The following UGT8 variants were observed in gnomAD, a reference collection of about 807,000 sequenced individuals.
UGT8 encodes 2-hydroxyacylsphingosine 1-beta-galactosyltransferase.
UGT8 carries 12 observed loss-of-function variants against 40.5 expected under a neutral mutation model. The observed-to-expected ratio is 0.30, with a 90% CI of 0.19 to 0.48. The LOEUF (loss-of-function observed/expected upper bound fraction) is 0.48. UGT8 is among the 20% of genes least tolerant of loss of function. The probability of loss-of-function intolerance (pLI) is 0.99; values close to 1 mark genes in which losing one functional copy is unlikely to be tolerated. For missense variants in UGT8, 513 were observed against 648.7 expected (o/e 0.79, Z 2.27); for synonymous variants, 224 against 240.4 (o/e 0.93, Z 0.63).
At chr4:114,658,160 G>A (rs1459906502) in intron 2 of UGT8, among the ~76,000 whole-genome samples, 1 of 152,008 alleles carries the variant, frequency 6.6e-6, no homozygotes. Context: ...ACTAAATTTT[G>A]CAGAATGAAA....
chr4:114,630,780 G>T (rs1043778800), intron 2 of UGT8, among the ~76,000 whole-genome samples: 2 of 152,132 alleles, frequency 1.3e-5, no homozygotes, highest in African/African-American at 4.8e-5. Flanking sequence ...CTCTAGGGTA[G>T]AAAGAAGAAT....
chr4:114,609,233 A>G (rs953036141), intron 1 of UGT8, among the ~76,000 whole-genome samples: 5 of 152,190 alleles, frequency 3.3e-5, no homozygotes, highest in African/African-American at 7.2e-5. Context: ...CCTGGGCAAC[A>G]TAGTGAGACC....
intron 2 of UGT8, among the ~76,000 whole-genome samples, chr4:114,640,659 G>C (rs1299357916): frequency 6.6e-6 from 1 of 152,040 alleles, no homozygotes; most frequent in African/African-American, 2.4e-5. Flanking sequence ...CATTTGGCTG[G>C]GGAAATGTGG....
At chr4:114,628,477 A>G (rs1023906039) in intron 2 of UGT8, among the ~76,000 whole-genome samples, 2 of 151,978 alleles carry the variant, frequency 1.3e-5, no homozygotes, top group Admixed American at 1.3e-4. Flanking sequence ...TAACTATTCT[A>G]ATGTTACTGA....
intron 1 of UGT8, among the ~76,000 whole-genome samples, chr4:114,602,110 T>G (rs1730479278): frequency 6.6e-6 from 1 of 152,104 alleles, no homozygotes; most frequent in Non-Finnish European, 1.5e-5. Flanking sequence ...AATTTGTGTA[T>G]GAGATCTTTA....
intron 2 of UGT8, among the ~76,000 whole-genome samples, chr4:114,632,716 G>A (rs1732648020): frequency 6.6e-6 from 1 of 152,188 alleles, no homozygotes; most frequent in Non-Finnish European, 1.5e-5. Flanking sequence ...AATGGAGGAA[G>A]CAATACTGAG....
chr4:114,674,240 G>A (rs1560713882), intron 5 of UGT8, among the ~76,000 whole-genome samples: 2 of 151,692 alleles, frequency 1.3e-5, no homozygotes, highest in African/African-American at 4.8e-5. Flanking sequence ...ATCCCAAACT[G>A]TAATCATTTC....
At chr4:114,604,741 G>A (rs980715426) in intron 1 of UGT8, among the ~76,000 whole-genome samples, 2 of 151,980 alleles carry the variant, frequency 1.3e-5, no homozygotes, top group Admixed American at 6.6e-5. Flanking sequence ...ATAAATATTT[G>A]TTGTCCCAAT....
chr4:114,639,450 T>G (rs1422055042), intron 2 of UGT8, among the ~76,000 whole-genome samples: 1 of 152,210 alleles, frequency 6.6e-6, no homozygotes, highest in Non-Finnish European at 1.5e-5. Context: ...ATCCAGAAAG[T>G]GGTGCCATGA....
chr4:114,609,621 G>C (rs1389450155), intron 1 of UGT8, among the ~76,000 whole-genome samples: 2 of 152,050 alleles, frequency 1.3e-5, no homozygotes, highest in Non-Finnish European at 1.5e-5. Context: ...AAATTTGTGT[G>C]GGGGAGGGAT....
chr4:114,667,763 C>A, intron 4 of UGT8: 1 of 448,500 alleles, frequency 2.2e-6, no homozygotes, highest in Non-Finnish European at 3.0e-6. Flanking sequence ...TATTGTTTGG[C>A]ATTTCTTGCT....
intron 2 of UGT8, among the ~76,000 whole-genome samples, chr4:114,660,804 A>T (rs1318429846): frequency 2.0e-5 from 3 of 151,400 alleles, no homozygotes; most frequent in Admixed American, 2.0e-4. Context: ...GCCAGGAGAA[A>T]GGCGTGAACC....
At chr4:114,633,995 G>C (rs1732737251) in intron 2 of UGT8, among the ~76,000 whole-genome samples, 1 of 152,088 alleles carries the variant, frequency 6.6e-6, no homozygotes, top group African/African-American at 2.4e-5. Flanking sequence ...AATAAAAGGG[G>C]AAGAGAGGAG....
chr4:114,669,381 C>CATATAT lies in UGT8; in HGVS notation c.1262+1098_1262+1103dup, dbSNP rs5861189. Among the ~76,000 whole-genome samples, 417 of 150,508 alleles carry CATATAT rather than the reference C, an allele frequency of 2.8e-3. 2 individuals are homozygous for CATATAT. Among genetic ancestry groups the CATATAT allele is most frequent in the Middle Eastern group, 0.01 (3 of 294 alleles). On this transcript the variant is annotated intron_variant, in intron 5 of 5. Coordinates refer to ENST00000310836, the MANE Select transcript of UGT8 (RefSeq NM_001128174.3). ...TCAAAACATGATGTTATTTCATATA[C>CATATAT]ATATATATATATATATATATATATA...
At position 114,614,604 on chromosome 4, in the gene UGT8, T is replaced by C. The variant is rs540073596; in HGVS notation, c.-2-8275T>C. Among the ~76,000 whole-genome samples, 101 of 152,344 alleles carry C rather than the reference T, an allele frequency of 6.6e-4. No homozygotes were observed. The South Asian group carries it at 7.0e-3, about 11-fold the overall frequency. The stretch of plus-strand genomic sequence containing the variant: ...AATTTATTTCATTAAGTTTGTGAAA[T>C]GGAACCAAATTCCTTCTTCCTTTGC... On this transcript the variant is annotated intron_variant, in intron 1 of 5. Coordinates refer to ENST00000310836, the MANE Select transcript of UGT8 (RefSeq NM_001128174.3).
intron 1 of UGT8, among the ~76,000 whole-genome samples, chr4:114,616,035 T>G (rs1271186314): frequency 6.6e-6 from 1 of 152,134 alleles, no homozygotes; most frequent in Non-Finnish European, 1.5e-5. Flanking sequence ...CCAGTTAGGC[T>G]AGTCGGGGGT....
chr4:114,625,817 A>T (rs1016213646), intron 2 of UGT8, among the ~76,000 whole-genome samples: 1 of 152,164 alleles, frequency 6.6e-6, no homozygotes, highest in Admixed American at 6.5e-5. Context: ...GGTGCTCGAC[A>T]TAAGGTATTA....
At chr4:114,664,251 G>T (rs77858164) in intron 3 of UGT8, 114 bp downstream of exon 3, 2 of 1,163,354 alleles carry the variant, frequency 1.7e-6, no homozygotes, top group Non-Finnish European at 2.4e-6. Context: ...TTAGCAAGAT[G>T]CCCTTGACTT....
rs149622484 is a variant in UGT8 at position 114,602,254 on chromosome 4, C to T, written c.-3+3280C>T. ...TCGTCTTTGTTTAGGAATATGTATACTAGAATATTTTACATATTACTTTCT... is the reference window on the plus strand; with the variant it reads ...TCGTCTTTGTTTAGGAATATGTATATTAGAATATTTTACATATTACTTTCT... On this transcript the variant is annotated intron_variant, in intron 1 of 5. Transcript: ENST00000310836. 5.8e-3 allele frequency among the ~76,000 whole-genome samples: 889 copies of T among 152,244 alleles called. 7 individuals are homozygous for T. The highest frequency in any genetic ancestry group is 0.017 in the Middle Eastern group (5 of 294).
Sources: allele counts gnomAD v4.1 joint callset (sites outside exome capture counted in the v4.1 genomes callset), GRCh38; gene constraint gnomAD v4.1.1; transcripts MANE v1.5; gene names NCBI Gene and HGNC (gene_info 2026-07-23, HGNC 2026-07-21).